The following MXD1 variants were observed in gnomAD, a reference collection of about 807,000 sequenced individuals.
The protein encoded by MXD1 is MAX dimerization protein 1.
Under a neutral mutation model 25.7 loss-of-function variants are expected in MXD1, and 9 were observed. The observed-to-expected ratio is 0.35, with a 90% CI of 0.21 to 0.61. The LOEUF is 0.61. Among genes scored for constraint, MXD1 ranks in the 20% least tolerant of loss-of-function variants. The pLI is 0.75. For synonymous variants in MXD1, 99 were observed against 113.9 expected (o/e 0.87, Z 0.83); for missense variants, 227 against 292.4 (o/e 0.78, Z 1.63).
At position 69,937,503 on chromosome 2, in the gene MXD1, G is replaced by T. The variant is rs144780333; in HGVS notation, c.478+109G>T. 459 of 1,093,276 alleles carry T rather than the reference G, an allele frequency of 4.2e-4. 1 individual carries two copies. The African/African-American group carries it at 6.0e-3, about 14-fold the overall frequency. 67.7% of individuals were successfully genotyped at this position (1,093,276 alleles called of 1,614,324 possible). A position where few individuals can be genotyped will look rare whatever the true frequency, so the allele number is the denominator to read the frequency against. ...AGTGTAAGAAGAACTAAGACACTGG[G>T]TATGATGTAGAGAAGTCGAACAGTG... On this transcript the variant is annotated intron_variant, in intron 5 of 5. Transcript: ENST00000264444.
At chr2:69,934,014 C>T (rs1677361814) in intron 3 of MXD1, among the ~76,000 whole-genome samples, 1 of 152,168 alleles carries the variant, frequency 6.6e-6, no homozygotes, top group South Asian at 2.1e-4. Context: ...ACTCTGTCCT[C>T]TAGAAGCTTA....
rs141717952 is a variant in MXD1, at chr2:69,921,283, A to G, written c.174-453A>G. ...GGGAAGGGGGTTATTTTACTATTTA[A>G]AACAATATAGTCAAGCAACTTTACA... On this transcript the variant is annotated intron_variant, in intron 2 of 5. Transcript: ENST00000264444. 4.6e-3 allele frequency among the ~76,000 whole-genome samples: 703 copies of G among 152,292 alleles called. 10 individuals carry two copies. The highest frequency in any genetic ancestry group is 0.016 in the African/African-American group (673 of 41,554).
intron 3 of MXD1, among the ~76,000 whole-genome samples, chr2:69,923,053 A>C (rs1245376782): frequency 4.0e-5 from 6 of 151,392 alleles, no homozygotes; most frequent in Non-Finnish European, 8.8e-5. Context: ...AAAAAAAAAA[A>C]AACACACAAA....
At chr2:69,932,830 A>T (rs552879773) in intron 3 of MXD1, among the ~76,000 whole-genome samples, 1 of 152,214 alleles carries the variant, frequency 6.6e-6, no homozygotes, top group African/African-American at 2.4e-5. Context: ...TACTAAAATG[A>T]CACTGTTCTG....
rs965087925 is a variant in MXD1 at position 69,941,328 on chromosome 2, G to A, written c.*3044G>A. 2 of 152,202 alleles carry A rather than the reference G, an allele frequency of 1.3e-5. No individual in the cohort carries two copies. The highest frequency in any genetic ancestry group is 2.9e-5 in the Non-Finnish European group (2 of 68,048). 9.4% of individuals were successfully genotyped at this position (152,202 alleles called of 1,614,324 possible). A position where few individuals can be genotyped will look rare whatever the true frequency, so the allele number is the denominator to read the frequency against. On this transcript the variant is annotated 3_prime_UTR_variant, in exon 6 of 6. Coordinates refer to ENST00000264444, the MANE Select transcript of MXD1 (RefSeq NM_002357.4). Reference sequence around the variant, plus strand: ...CTTTGAATGGTGGGCCGAGCACCCAGGTCGTCTGTATTTTGGTTTTCTTTT... The same window carrying A: ...CTTTGAATGGTGGGCCGAGCACCCAAGTCGTCTGTATTTTGGTTTTCTTTT...
At chr2:69,927,061 C>T (rs564730703) in intron 3 of MXD1, among the ~76,000 whole-genome samples, 10 of 152,208 alleles carry the variant, frequency 6.6e-5, no homozygotes, top group Non-Finnish European at 1.5e-4. Context: ...ACTCTGCAGC[C>T]CAATCTAAGC....
At chr2:69,919,213 G>A (rs1677014736) in intron 2 of MXD1, among the ~76,000 whole-genome samples, 3 of 152,250 alleles carry the variant, frequency 2.0e-5, no homozygotes, top group Admixed American at 2.0e-4. Flanking sequence ...AGAATTTCCT[G>A]TGTGCTGTTA....
chr2:69,924,014 T>C (rs902269073), intron 3 of MXD1, among the ~76,000 whole-genome samples: 1 of 152,240 alleles, frequency 6.6e-6, no homozygotes, highest in Admixed American at 6.5e-5. Context: ...CCACAGAATG[T>C]CAATTGTATT....
intron 4 of MXD1, 81 bp from the exon 5 acceptor site, chr2:69,937,154 T>G: frequency 6.4e-7 from 1 of 1,568,844 alleles, no homozygotes. Context: ...CGCATTCCAC[T>G]GCTAGAAGGG....
chr2:69,915,447 G>T lies in MXD1; in HGVS notation c.73+44G>T, dbSNP rs1009195901. 3.2e-6 allele frequency: 4 copies of T among 1,250,914 alleles called. No homozygotes were observed. The highest frequency in any genetic ancestry group is 4.2e-5 in the Admixed American group (1 of 23,808). 77.5% of individuals were successfully genotyped at this position (1,250,914 alleles called of 1,614,324 possible). On this transcript the variant is annotated intron_variant, in intron 1 of 5. Coordinates refer to ENST00000264444, the MANE Select transcript of MXD1 (RefSeq NM_002357.4). The surrounding 1 kb of genome is among the most constrained non-coding windows in gnomAD (Gnocchi z 5.8). ...GGGTCCACTCGAAACGAGGCCGGGG[G>T]TCCTGTGGGGCCGGCCTCAGGTCCG...
chr2:69,933,071 C>T (rs905473275), intron 3 of MXD1, among the ~76,000 whole-genome samples: 1 of 151,666 alleles, frequency 6.6e-6, no homozygotes, highest in Admixed American at 6.6e-5. Context: ...TGGTGGCGGG[C>T]GCCTGTAATC....
At position 69,942,681 on chromosome 2, in the gene MXD1, G is replaced by A. The variant is rs1417130669; in HGVS notation, c.*4397G>A. On this transcript the variant is annotated 3_prime_UTR_variant, in exon 6 of 6. Transcript: ENST00000264444. ...AATATTGCTGTTACCATCATTTTTG[G>A]GGGGCCATCTTCCTAATGCTACACA... 3.3e-5 allele frequency: 5 copies of A among 152,220 alleles called. No individual in the cohort carries two copies. The highest frequency in any genetic ancestry group is 1.2e-4 in the African/African-American group (5 of 41,528). The allele number at this position is 152,220 out of a possible 1,614,324, so 9.4% of individuals were successfully genotyped here. A position where few individuals can be genotyped will look rare whatever the true frequency, so the allele number is the denominator to read the frequency against.
chr2:69,917,199 A>C (rs753581156), intron 2 of MXD1, among the ~76,000 whole-genome samples: 6 of 152,204 alleles, frequency 3.9e-5, no homozygotes. Flanking sequence ...AAACCTAAAA[A>C]TCACTTGTTC....
intron 3 of MXD1, among the ~76,000 whole-genome samples, chr2:69,926,034 CTT>C (rs1216785831): frequency 6.6e-6 from 1 of 152,166 alleles, no homozygotes; most frequent in African/African-American, 2.4e-5. Context: ...CTGTGTGTCT[CTT>C]TGTGTGAATT....
chr2:69,918,635 G>A (rs560032851), intron 2 of MXD1, among the ~76,000 whole-genome samples: 1 of 152,296 alleles, frequency 6.6e-6, no homozygotes, highest in East Asian at 1.9e-4. Context: ...ATAAGACAGT[G>A]GCTAGAGTGA....
At chr2:69,916,765 C>A (rs1448059034) in intron 2 of MXD1, among the ~76,000 whole-genome samples, 1 of 152,192 alleles carries the variant, frequency 6.6e-6, no homozygotes, top group Non-Finnish European at 1.5e-5. Flanking sequence ...GAGGTTAAAA[C>A]CTACCTCTTT....
rs1285697006 is a variant in MXD1 at position 69,939,442 on chromosome 2, G to A, written c.*1158G>A. ...ATGATTTCTCCCTTAAGTGGTCTCC[G>A]ACTTTGTAGCATTTTTATTTAAGCT... On this transcript the variant is annotated 3_prime_UTR_variant, in exon 6 of 6. Transcript: ENST00000264444. 6.6e-6 allele frequency: 1 copy of A among 152,530 alleles called. No individual in the cohort carries two copies. The highest frequency in any genetic ancestry group is 1.5e-5 in the Non-Finnish European group (1 of 68,004). The allele number at this position is 152,530 out of a possible 1,614,324, so 9.4% of individuals were successfully genotyped here.
Position 69,939,635 on chromosome 2 carries a change from G to C in MXD1, c.*1351G>C, listed in dbSNP as rs1387895829. On this transcript the variant is annotated 3_prime_UTR_variant, in exon 6 of 6. Coordinates refer to ENST00000264444, the MANE Select transcript of MXD1 (RefSeq NM_002357.4). ...ATCTACAAAATTAGTTCATTCCCCT[G>C]AATATTTTTGCATTCATATTTTTGA... 1 of 152,616 alleles carries C rather than the reference G, an allele frequency of 6.6e-6. No homozygotes were observed. Among genetic ancestry groups the C allele is most frequent in the African/African-American group, 2.4e-5 (1 of 41,438 alleles). 9.5% of individuals were successfully genotyped at this position (152,616 alleles called of 1,614,324 possible).
At chr2:69,932,339 G>A (rs890433143) in intron 3 of MXD1, among the ~76,000 whole-genome samples, 16 of 152,172 alleles carry the variant, frequency 1.1e-4, no homozygotes, top group African/African-American at 3.9e-4. Flanking sequence ...TTTCACTACT[G>A]TATGATAGAA....
Sources: gnomAD v4.1 joint callset for allele counts (sites outside exome capture counted in the v4.1 genomes callset) on GRCh38, gnomAD v4.1.1 for gene constraint, Gnocchi (gnomAD v3.1) non-coding constraint, MANE v1.5 for transcripts, NCBI Gene and HGNC (gene_info 2026-07-23, HGNC 2026-07-21) for gene names.